Variants in C1orf21 observed in about 807,000 individuals in gnomAD.
The protein encoded by C1orf21 is uncharacterized protein C1orf21.
A neutral mutation model predicts 18.7 loss-of-function variants in C1orf21; 3 were observed. The ratio of observed to expected loss-of-function variants is 0.16; its 90% confidence interval spans 0.07 to 0.42. C1orf21 has a LOEUF of 0.42. Among genes scored for constraint, C1orf21 ranks in the 10% least tolerant of loss-of-function variants. The pLI is 0.99. For synonymous variants in C1orf21, 41 were observed against 46.4 expected, an observed-to-expected ratio of 0.88 and a Z score of 0.47; for missense variants, 104 against 143.6, an observed-to-expected ratio of 0.72 and a Z score of 1.41.
At chr1:184,574,333 T>C (rs1353848496) in intron 3 of C1orf21, among the ~76,000 whole-genome samples, 1 of 152,260 alleles carries the variant, frequency 6.6e-6, no homozygotes, top group East Asian at 1.9e-4. Flanking sequence ...TTAAATTGTT[T>C]CATGAAATGT....
chr1:184,584,369 G>T (rs1455239071), intron 3 of C1orf21, among the ~76,000 whole-genome samples: 2 of 152,074 alleles, frequency 1.3e-5, no homozygotes, highest in Non-Finnish European at 2.9e-5. Flanking sequence ...CCCACAGTGA[G>T]ATCCCACTAC....
intron 1 of C1orf21, among the ~76,000 whole-genome samples, chr1:184,456,629 T>C (rs1041278037): frequency 6.7e-6 from 1 of 148,740 alleles, no homozygotes. Flanking sequence ...GAAACAGTTA[T>C]GATAGCACAG....
intron 1 of C1orf21, among the ~76,000 whole-genome samples, chr1:184,396,692 A>T (rs774874517): frequency 1.3e-5 from 2 of 152,074 alleles, no homozygotes; most frequent in Non-Finnish European, 2.9e-5. Context: ...CATTCACTAC[A>T]TTTCCATGAT....
rs1448159566 is a variant in C1orf21 at position 184,621,839 on chromosome 1, C to G, written c.*2283C>G. The G allele has an allele frequency of 6.6e-6, 1 of 152,098 alleles. No homozygotes were observed. Among genetic ancestry groups the G allele is most frequent in the African/African-American group, 2.4e-5 (1 of 41,422 alleles). The allele number at this position is 152,098 out of a possible 1,614,324, so 9.4% of individuals were successfully genotyped here. ...GCAGATTTTCACCTGGGTTCTGGCT[C>G]CGGTGTTTAACACTGGATACATCTT... On this transcript the variant is annotated 3_prime_UTR_variant, in exon 6 of 6. Coordinates refer to ENST00000235307, the MANE Select transcript of C1orf21 (RefSeq NM_030806.4).
At chr1:184,447,176 C>T (rs1657047870) in intron 1 of C1orf21, among the ~76,000 whole-genome samples, 2 of 152,258 alleles carry the variant, frequency 1.3e-5, no homozygotes, top group East Asian at 1.9e-4. Context: ...TTAGCTGTCT[C>T]CTTCCTCAGT....
At position 184,410,648 on chromosome 1, in the gene C1orf21, TATATATATA is replaced by T. The variant is rs1656329602; in HGVS notation, c.-125+23281_-125+23289del. ...ATATATATATATATATATATATATA[TATATATATA>T]TATATATTTTTTTTTTTTTTTTTTG... On this transcript the variant is annotated intron_variant, in intron 1 of 5. Transcript: ENST00000235307. 1.6e-3 allele frequency among the ~76,000 whole-genome samples: 11 copies of T among 7,004 alleles called. 1 individual carries two copies. The highest frequency in any genetic ancestry group is 4.3e-3 in the Admixed American group (2 of 466). The allele number at this position is 7,004 out of a possible 152,430, so 4.6% of individuals were successfully genotyped here.
chr1:184,607,414 T>C (rs2102006302), intron 5 of C1orf21, among the ~76,000 whole-genome samples: 1 of 152,214 alleles, frequency 6.6e-6, no homozygotes, highest in East Asian at 1.9e-4. Context: ...AAAGAAGTAA[T>C]ATTAGTGCAA....
intron 3 of C1orf21, among the ~76,000 whole-genome samples, chr1:184,512,908 A>G (rs986114447): frequency 6.6e-6 from 1 of 152,176 alleles, no homozygotes; most frequent in Non-Finnish European, 1.5e-5. Flanking sequence ...TCTGCTCCTC[A>G]TCGCTCACAT....
At chr1:184,516,001 T>C (rs1215749677) in intron 3 of C1orf21, among the ~76,000 whole-genome samples, 3 of 152,054 alleles carry the variant, frequency 2.0e-5, no homozygotes, top group Non-Finnish European at 4.4e-5. Flanking sequence ...TTAGTAGAGA[T>C]GGGGTTTCAC....
intron 1 of C1orf21, among the ~76,000 whole-genome samples, chr1:184,439,381 T>C (rs983157975): frequency 6.6e-6 from 1 of 151,280 alleles, no homozygotes; most frequent in African/African-American, 2.4e-5. Flanking sequence ...TTTCCTCATC[T>C]GTTCAGTGAG....
intron 2 of C1orf21, among the ~76,000 whole-genome samples, chr1:184,491,470 C>G (rs1031118957): frequency 6.6e-6 from 1 of 152,076 alleles, no homozygotes; most frequent in African/African-American, 2.4e-5. Context: ...CCACCTTAGC[C>G]TCCTAAATAG....
intron 1 of C1orf21, among the ~76,000 whole-genome samples, chr1:184,444,906 C>T (rs1352048601): frequency 6.6e-6 from 1 of 152,070 alleles, no homozygotes; most frequent in Non-Finnish European, 1.5e-5. Context: ...AAGAAGATTC[C>T]TTCCTCTCCT....
At chr1:184,498,388 TTC>T (rs139987621) in intron 2 of C1orf21, among the ~76,000 whole-genome samples, 10 of 150,864 alleles carry the variant, frequency 6.6e-5, no homozygotes, top group Non-Finnish European at 3.0e-5. Flanking sequence ...TGTCTATGCG[TTC>T]TCTCTCTCTC....
intron 3 of C1orf21, among the ~76,000 whole-genome samples, chr1:184,534,172 T>G (rs568849234): frequency 6.6e-6 from 1 of 152,338 alleles, no homozygotes; most frequent in East Asian, 1.9e-4. Flanking sequence ...GCTTTTACAG[T>G]CACTAGCTCA....
At chr1:184,499,485 A>C (rs1657940445) in intron 2 of C1orf21, among the ~76,000 whole-genome samples, 1 of 152,156 alleles carries the variant, frequency 6.6e-6, no homozygotes, top group African/African-American at 2.4e-5. Flanking sequence ...GGCCCCAGAG[A>C]GGTGACAAGA....
intron 1 of C1orf21, among the ~76,000 whole-genome samples, chr1:184,475,890 C>T (rs1479519180): frequency 6.6e-6 from 1 of 151,702 alleles, no homozygotes; most frequent in Non-Finnish European, 1.5e-5. Flanking sequence ...AGAAAATCTT[C>T]CTGGTTTGTA....
chr1:184,430,555 A>G (rs1443974712), intron 1 of C1orf21, among the ~76,000 whole-genome samples: 1 of 152,186 alleles, frequency 6.6e-6, no homozygotes, highest in Non-Finnish European at 1.5e-5. Context: ...GTGAAATTTG[A>G]ATTTATAGAA....
chr1:184,533,030 A>G (rs983997990), intron 3 of C1orf21, among the ~76,000 whole-genome samples: 3 of 152,138 alleles, frequency 2.0e-5, no homozygotes, highest in African/African-American at 7.2e-5. Context: ...GTTTTTTAAT[A>G]TATAGCTAAT....
chr1:184,579,698 A>G (rs1659250145), intron 3 of C1orf21, among the ~76,000 whole-genome samples: 1 of 151,714 alleles, frequency 6.6e-6, no homozygotes, highest in African/African-American at 2.4e-5. Context: ...TTTAGCAGAG[A>G]CGGGGTTTCA....
Sources: gnomAD v4.1 joint callset for allele counts (sites outside exome capture counted in the v4.1 genomes callset) on GRCh38, gnomAD v4.1.1 for gene constraint, MANE v1.5 for transcripts, NCBI Gene and HGNC (gene_info 2026-07-23, HGNC 2026-07-21) for gene names.